Variants in SLCO1C1 observed in about 807,000 individuals in gnomAD.
SLCO1C1 encodes the protein solute carrier organic anion transporter family member 1C1, also known as OAT-RP-5.
In SLCO1C1, 70 loss-of-function variants were observed where a neutral mutation model predicts 76.4. That is an observed-to-expected ratio of 0.92 (90% CI 0.76 to 1.12). The LOEUF is 1.12. Ranked by LOEUF, SLCO1C1 falls within the 50% of genes most tolerant of loss-of-function variation. SLCO1C1 has a pLI of 0.00. For synonymous variants in SLCO1C1, 306 were observed against 286.1 expected (o/e 1.07, Z -0.70); for missense variants, 912 against 823.8 (o/e 1.11, Z -1.31).
In SLCO1C1 at chr12:20,724,411, GTATATATA is replaced by G. The variant is rs1168220832; in HGVS notation, c.1186+1191_1186+1198del. On this transcript the variant is annotated intron_variant, in intron 9 of 14. Coordinates refer to ENST00000266509, the MANE Select transcript of SLCO1C1 (RefSeq NM_017435.5). ...ATATATAATGTGTGTGTGTGTGTGT[GTATATATA>G]TATATATATATATATATATATATAT... Among the ~76,000 whole-genome samples the G allele has an allele frequency of 5.6e-3, 490 of 88,076 alleles. 2 individuals carry two copies. Among genetic ancestry groups the G allele is most frequent in the East Asian group, 0.016 (46 of 2,848 alleles). 57.8% of individuals were successfully genotyped at this position (88,076 alleles called of 152,430 possible).
intron 10 of SLCO1C1, among the ~76,000 whole-genome samples, chr12:20,733,749 C>T (rs1948406831): frequency 6.6e-6 from 1 of 152,060 alleles, no homozygotes; most frequent in Admixed American, 6.6e-5. Flanking sequence ...TGCAATTGGT[C>T]AGGAGAATAT....
chr12:20,713,724 A>G (rs1310526958), intron 5 of SLCO1C1, among the ~76,000 whole-genome samples: 1 of 152,206 alleles, frequency 6.6e-6, no homozygotes, highest in Non-Finnish European at 1.5e-5. Context: ...GGAATGTCTT[A>G]TATCTTTGCT....
At chr12:20,747,271 T>C (rs1361748412) in intron 13 of SLCO1C1, among the ~76,000 whole-genome samples, 1 of 152,024 alleles carries the variant, frequency 6.6e-6, no homozygotes, top group Non-Finnish European at 1.5e-5. Context: ...CTACTAAAAA[T>C]ACAAAAATTA....
intron 9 of SLCO1C1, among the ~76,000 whole-genome samples, chr12:20,731,103 A>T (rs1948243601): frequency 2.0e-5 from 3 of 152,220 alleles, no homozygotes. Flanking sequence ...TAAATAAGCT[A>T]TTTAGATAAA....
At position 20,750,741 on chromosome 12, in the gene SLCO1C1, A is replaced by G; in HGVS notation, c.1865A>G (p.Lys622Arg). 3.1e-6 allele frequency: 5 copies of G among 1,614,068 alleles called. No homozygotes were observed. In the South Asian group the frequency reaches 3.3e-5, roughly 11 times the overall value. Residue 622 changes from lysine (K) to arginine (R), a missense_variant, in exon 14 of 15, where the codon AAA becomes AGA. Coordinates refer to ENST00000266509, the MANE Select transcript of SLCO1C1 (RefSeq NM_017435.5). ...ACTTCATGCCTCAAATGGGGATTTAAAAGATGTGGAAGTAGAGGATCATGC... is the reference window on the plus strand; with the variant it reads ...ACTTCATGCCTCAAATGGGGATTTAGAAGATGTGGAAGTAGAGGATCATGC... Reference protein sequence around the residue: ...IDTSCLKWGFKRCGSRGSCRL... With the variant: ...IDTSCLKWGFRRCGSRGSCRL...
intron 8 of SLCO1C1, among the ~76,000 whole-genome samples, 161 bp from the exon 9 acceptor site, chr12:20,722,929 C>T (rs114709115): frequency 1.5e-3 from 236 of 152,316 alleles, no homozygotes; most frequent in African/African-American, 5.2e-3. Flanking sequence ...TGACGCATGC[C>T]AGTGGCTTAC....
intron 3 of SLCO1C1, 96 bp downstream of exon 3, chr12:20,701,555 G>T: frequency 2.6e-5 from 22 of 862,476 alleles, no homozygotes; most frequent in Non-Finnish European, 3.5e-5. Context: ...GCTGGGATCA[G>T]ACTCTATTCA....
At chr12:20,728,918 C>T (rs1476116847) in intron 9 of SLCO1C1, among the ~76,000 whole-genome samples, 2 of 151,932 alleles carry the variant, frequency 1.3e-5, no homozygotes, top group Non-Finnish European at 2.9e-5. Context: ...TTAAATGTAT[C>T]TAAGGTTTTC....
At chr12:20,711,773 T>C (rs561393234) in intron 5 of SLCO1C1, among the ~76,000 whole-genome samples, 4 of 152,284 alleles carry the variant, frequency 2.6e-5, no homozygotes, top group East Asian at 1.9e-4. Context: ...TCTGAATAAG[T>C]GGGTTTTGAA....
chr12:20,725,452 T>C (rs1421025869), intron 9 of SLCO1C1, among the ~76,000 whole-genome samples: 1 of 146,638 alleles, frequency 6.8e-6, no homozygotes, highest in East Asian at 2.0e-4. Context: ...GTATATTATG[T>C]ATACTATAAT....
chr12:20,710,915 G>A (rs1947059846), intron 4 of SLCO1C1, among the ~76,000 whole-genome samples: 1 of 152,072 alleles, frequency 6.6e-6, no homozygotes, highest in Non-Finnish European at 1.5e-5. Flanking sequence ...GAGCCTCTAT[G>A]GGTACTTTTT....
At chr12:20,747,420 C>G (rs754902171) in intron 13 of SLCO1C1, among the ~76,000 whole-genome samples, 3 of 124,506 alleles carry the variant, frequency 2.4e-5, no homozygotes, top group Non-Finnish European at 3.8e-5. Flanking sequence ...CAGAGGGAGA[C>G]TCTGTCTCAA....
chr12:20,709,148 G>A (rs1444591990), intron 4 of SLCO1C1, among the ~76,000 whole-genome samples: 1 of 152,096 alleles, frequency 6.6e-6, no homozygotes, highest in African/African-American at 2.4e-5. Context: ...TTGAATGCGG[G>A]TCAGAATTAA....
intron 1 of SLCO1C1, among the ~76,000 whole-genome samples, chr12:20,697,715 A>C (rs1027920627): frequency 4.6e-5 from 7 of 152,020 alleles, no homozygotes; most frequent in Non-Finnish European, 7.4e-5. Context: ...ATTTCCTGTA[A>C]TTAACCAATT....
chr12:20,717,648 C>CTTT (rs534946900), intron 7 of SLCO1C1, among the ~76,000 whole-genome samples: 528 of 42,248 alleles, frequency 0.012, 24 homozygotes, highest in Non-Finnish European at 0.017. Context: ...AACAGCCCTT[C>CTTT]TTTTTTTTTT....
chr12:20,727,799 G>A lies in SLCO1C1; in HGVS notation c.1186+4545G>A, dbSNP rs552049685. Among the ~76,000 whole-genome samples, 48 of 152,308 alleles carry A rather than the reference G, an allele frequency of 3.2e-4. No individual in the cohort carries two copies. In the Middle Eastern group the frequency reaches 0.014, roughly 43 times the overall value. On this transcript the variant is annotated intron_variant, in intron 9 of 14. Transcript: ENST00000266509. ...GCTGGGATTACAGGCGTGAGCCACT[G>A]CGCCCGGCCACGTGTTTTCTTTTGT...
intron 9 of SLCO1C1, among the ~76,000 whole-genome samples, chr12:20,730,245 A>C (rs2120811673): frequency 6.6e-6 from 1 of 152,320 alleles, no homozygotes; most frequent in East Asian, 1.9e-4. Flanking sequence ...TGTTTGTGTC[A>C]GCTTTGGCTT....
Position 20,706,021 on chromosome 12 carries a change from G to A in SLCO1C1, c.344G>A (p.Gly115Glu). ...KLHRPKIIGA[G>E]CVIMGVGTLL... ...CACAGGCCAAAAATAATTGGAGCAG[G>A]GTGTGTAATCATGGGAGTTGGAACA... The change falls in exon 4 of 15, where the codon GGG becomes GAG. Residue 115 changes from glycine to glutamate, a missense_variant. Gly to Glu is a moderately conservative substitution (Grantham distance 98). Coordinates refer to ENST00000266509, the MANE Select transcript of SLCO1C1 (RefSeq NM_017435.5). 1.9e-6 allele frequency: 3 copies of A among 1,613,392 alleles called. No homozygotes were observed. Among genetic ancestry groups the A allele is most frequent in the Non-Finnish European group, 2.5e-6 (3 of 1,179,498 alleles).
chr12:20,732,080 A>T (rs1332510599), intron 9 of SLCO1C1, among the ~76,000 whole-genome samples: 1 of 152,184 alleles, frequency 6.6e-6, no homozygotes, highest in Non-Finnish European at 1.5e-5. Context: ...TAACTACTAA[A>T]TTGAACCTCT....
Sources: gnomAD v4.1 joint callset for allele counts (sites outside exome capture counted in the v4.1 genomes callset) on GRCh38, gnomAD v4.1.1 for gene constraint, MANE v1.5 for transcripts, NCBI Gene and HGNC (gene_info 2026-07-23, HGNC 2026-07-21) for gene names.